The following DMD variants were observed in gnomAD, a reference collection of about 807,000 sequenced individuals.
The protein encoded by DMD is dystrophin.
In DMD, 63 loss-of-function variants were observed where a neutral mutation model predicts 330.1. The ratio of observed to expected loss-of-function variants is 0.19; its 90% CI spans 0.16 to 0.24. The LOEUF is 0.24. DMD is among the 10% of genes least tolerant of loss of function. DMD has a pLI of 1.00. For synonymous variants in DMD, 1,223 were observed against 959.8 expected (o/e 1.27, Z -5.07); for missense variants, 3,344 against 2,684.1 (o/e 1.25, Z -5.43).
chrX:31,855,277 A>G lies in DMD; in HGVS notation c.7099-18458T>C, dbSNP rs186184563. ...AATATCTCTGGATTATATACCCCAA[A>G]AGGATTAGGGAATACAGTAGATCTA... On this transcript the variant is annotated intron_variant, in intron 48 of 78. Coordinates refer to ENST00000357033, the MANE Select transcript of DMD (RefSeq NM_004006.3). Among the ~76,000 whole-genome samples, 313 of 111,851 alleles carry G rather than the reference A, an allele frequency of 2.8e-3. 1 individual carries two copies. The highest frequency in any genetic ancestry group is 0.023 in the Middle Eastern group (5 of 217).
At chrX:33,099,134 A>C (rs2095210408) in intron 1 of DMD, among the ~76,000 whole-genome samples, 1 of 112,022 alleles carries the variant, frequency 8.9e-6, no homozygotes, top group Admixed American at 9.5e-5. Flanking sequence ...GTCGTTTAAT[A>C]AATTTTGCTT....
intron 2 of DMD, among the ~76,000 whole-genome samples, chrX:33,001,395 G>C (rs912969640): frequency 8.9e-6 from 1 of 111,881 alleles, no homozygotes; most frequent in Non-Finnish European, 1.9e-5. Context: ...GGGACACACA[G>C]CTTTAGGAAC....
chrX:31,638,174 T>G (rs5927788), intron 54 of DMD, among the ~76,000 whole-genome samples: 39,625 of 110,923 alleles, frequency 0.36, 5,449 homozygotes, highest in African/African-American at 0.47. Flanking sequence ...ATAACTTCTG[T>G]CAAAATTAAC....
intron 75 of DMD, 97 bp downstream of exon 75, chrX:31,147,178 T>C (rs2036816636): frequency 1.8e-6 from 2 of 1,112,709 alleles, no homozygotes; most frequent in Non-Finnish European, 2.5e-6. Context: ...CACTTAAGAA[T>C]TGATGCTTGT....
upstream of DMD, among the ~76,000 whole-genome samples, chrX:33,215,273 C>T (rs1379360772): frequency 9.6e-6 from 1 of 104,321 alleles, no homozygotes; most frequent in Admixed American, 1.1e-4. Flanking sequence ...TGCAGTGAGC[C>T]GAGACTGTGC....
chrX:31,681,628 C>T (rs1264554762), intron 52 of DMD, among the ~76,000 whole-genome samples: 6 of 112,481 alleles, frequency 5.3e-5, no homozygotes, highest in African/African-American at 9.7e-5. Context: ...CAGAGGTCAG[C>T]CTCCCAGAAT....
intron 44 of DMD, among the ~76,000 whole-genome samples, chrX:32,082,504 C>T (rs1174666156): frequency 1.8e-5 from 2 of 111,478 alleles, no homozygotes; most frequent in African/African-American, 6.5e-5. Flanking sequence ...GCGATCCTTA[C>T]ACCACAGCCC....
chrX:31,264,334 C>T (rs1006240171), intron 62 of DMD, among the ~76,000 whole-genome samples: 1 of 111,616 alleles, frequency 9.0e-6, no homozygotes, highest in Non-Finnish European at 1.9e-5. Flanking sequence ...CTCTCCACAT[C>T]GGAAATACAC....
At chrX:32,164,484 G>T (rs1426993615) in intron 44 of DMD, among the ~76,000 whole-genome samples, 2 of 111,570 alleles carry the variant, frequency 1.8e-5, no homozygotes, top group Non-Finnish European at 3.8e-5. Context: ...CTGACCTAGA[G>T]ATCTGTGGAA....
intron 11 of DMD, among the ~76,000 whole-genome samples, chrX:32,620,644 C>T (rs2057919514): frequency 8.9e-6 from 1 of 111,891 alleles, no homozygotes; most frequent in African/African-American, 3.3e-5. Flanking sequence ...GCATCATTTA[C>T]TTTTTGCTTT....
intron 7 of DMD, among the ~76,000 whole-genome samples, chrX:32,712,583 G>T (rs2065288473): frequency 9.0e-6 from 1 of 111,302 alleles, no homozygotes; most frequent in East Asian, 2.8e-4. Flanking sequence ...TATTAGTTAA[G>T]CTTAATTTTA....
chrX:32,180,762 G>A (rs956499999), intron 44 of DMD, among the ~76,000 whole-genome samples: 1 of 111,593 alleles, frequency 9.0e-6, no homozygotes, highest in Non-Finnish European at 1.9e-5. Flanking sequence ...ACAGGTGGCA[G>A]GAAGAAGTGC....
At chrX:32,554,901 G>GA (rs1556791503) in intron 16 of DMD, among the ~76,000 whole-genome samples, 1 of 28,724 alleles carries the variant, frequency 3.5e-5, no homozygotes. Flanking sequence ...AAGAAAGAAA[G>GA]AAAGAAAGAA....
At chrX:31,940,738 G>A (rs1260737800) in intron 45 of DMD, among the ~76,000 whole-genome samples, 1 of 109,530 alleles carries the variant, frequency 9.1e-6, no homozygotes, top group African/African-American at 3.3e-5. Context: ...ATAAAGAAGC[G>A]AGGGAGGAGG....
chrX:33,328,450 C>T (rs2054121336), intron 1 of DMD, among the ~76,000 whole-genome samples: 1 of 111,178 alleles, frequency 9.0e-6, no homozygotes, highest in South Asian at 3.8e-4. Context: ...CCCACCTCGA[C>T]CTCCCAAAAT....
chrX:31,809,598 CAT>C (rs750597144), intron 50 of DMD, among the ~76,000 whole-genome samples: 1 of 110,682 alleles, frequency 9.0e-6, no homozygotes, highest in Non-Finnish European at 1.9e-5. Flanking sequence ...AAGAGTAAAA[CAT>C]ATTTTCATAA....
In DMD at chrX:31,812,630, A is replaced by G. The variant is rs185452918; in HGVS notation, c.7309+7345T>C. Among the ~76,000 whole-genome samples, 4 of 111,943 alleles carry G rather than the reference A, an allele frequency of 3.6e-5. No homozygotes were observed. In the Admixed American group the frequency reaches 3.8e-4, roughly 11 times the overall value. ...CAAATAAAAAGGTATAAATAACCTT[A>G]TATGTGAGGATTTGATATTCAATTT... On this transcript the variant is annotated intron_variant, in intron 50 of 78. Transcript: ENST00000357033.
chrX:32,470,945 TAA>T (rs1257423383), intron 22 of DMD, among the ~76,000 whole-genome samples: 1 of 111,780 alleles, frequency 8.9e-6, no homozygotes, highest in African/African-American at 3.2e-5. Flanking sequence ...TCTTCAGAAA[TAA>T]AAAGTTATTG....
intron 43 of DMD, among the ~76,000 whole-genome samples, chrX:32,224,574 T>A (rs1354476637): frequency 1.8e-5 from 2 of 111,591 alleles, no homozygotes; most frequent in African/African-American, 6.5e-5. Context: ...TTAATAAAAA[T>A]TTTATAATTT....
Sources: allele counts gnomAD v4.1 joint callset (sites outside exome capture counted in the v4.1 genomes callset), GRCh38; gene constraint gnomAD v4.1.1; transcripts MANE v1.5; gene names NCBI Gene and HGNC (gene_info 2026-07-23, HGNC 2026-07-21).